ATF7IP2: variants seen among roughly 807,000 people sequenced by gnomAD.
The protein encoded by ATF7IP2 is activating transcription factor 7 interacting protein 2.
Under a neutral mutation model 64.2 loss-of-function variants are expected in ATF7IP2, and 42 were observed. That is an observed-to-expected ratio of 0.65 (90% CI 0.51 to 0.85). The LOEUF (loss-of-function observed/expected upper bound fraction) is 0.85. Ranked by LOEUF, ATF7IP2 falls within the 40% of genes least tolerant of loss-of-function variation. ATF7IP2 has a pLI of 0.00. For synonymous variants in ATF7IP2, 308 were observed against 272.8 expected (o/e 1.13, Z -1.27); for missense variants, 933 against 784.2 (o/e 1.19, Z -2.27).
At chr16:10,481,386 TTTCCC>T (rs1420366370) in intron 13 of ATF7IP2, among the ~76,000 whole-genome samples, 2 of 39,454 alleles carry the variant, frequency 5.1e-5, no homozygotes, top group Non-Finnish European at 1.3e-4. Context: ...GTAGCTGGGA[TTTCCC>T]GAGTAGCTGG....
chr16:10,439,034 A>G (rs1430097145), intron 7 of ATF7IP2, among the ~76,000 whole-genome samples: 1 of 125,378 alleles, frequency 8.0e-6, no homozygotes, highest in East Asian at 2.5e-4. Flanking sequence ...GTCTGCCGAC[A>G]GCGAGACTCC....
intron 1 of ATF7IP2, among the ~76,000 whole-genome samples, chr16:10,396,263 A>G (rs8063676): frequency 0.57 from 86,407 of 151,950 alleles, 24,664 homozygotes; most frequent in East Asian, 0.69. Context: ...GAGGACTCAT[A>G]TATTTTGGTT....
chr16:10,439,408 T>C (rs1247501755), intron 7 of ATF7IP2, among the ~76,000 whole-genome samples: 1 of 151,894 alleles, frequency 6.6e-6, no homozygotes, highest in Non-Finnish European at 1.5e-5. Flanking sequence ...GCTAATTTTT[T>C]GTATTTTTAG....
chr16:10,405,617 C>T (rs371104542), intron 1 of ATF7IP2, among the ~76,000 whole-genome samples: 2 of 152,320 alleles, frequency 1.3e-5, no homozygotes, highest in Admixed American at 6.5e-5. Flanking sequence ...ATTCTTATCA[C>T]ATCCTGCCGG....
At chr16:10,412,278 T>C (rs187476143) in intron 1 of ATF7IP2, among the ~76,000 whole-genome samples, 1 of 152,216 alleles carries the variant, frequency 6.6e-6, no homozygotes, top group African/African-American at 2.4e-5. Flanking sequence ...GATTGTCTGT[T>C]TGTGCTCTTT....
At chr16:10,391,149 C>G (rs1228786064) in intron 1 of ATF7IP2, among the ~76,000 whole-genome samples, 2 of 116,328 alleles carry the variant, frequency 1.7e-5, no homozygotes, top group African/African-American at 3.6e-5. Flanking sequence ...AGAGAGAGAC[C>G]CTGTCTCAAA....
In ATF7IP2 at chr16:10,430,731, G is replaced by A. The variant is rs377023707; in HGVS notation, c.111G>A (p.Ala37=). 2.4e-5 allele frequency: 38 copies of A among 1,614,060 alleles called. No homozygotes were observed. In the Admixed American group the frequency reaches 2.7e-4, roughly 11 times the overall value. The change falls in exon 5 of 14, where the codon GCG becomes GCA. Residue 37 remains alanine, a synonymous_variant. Transcript: ENST00000562102. ...EMLNKSRNVE[A]LKTAIGSNVP... ...TGAATAAGTCAAGGAATGTTGAAGC[G>A]CTGAAAACAGCAATTGGGAGTAATG...
At chr16:10,418,240 C>T (rs146239844) in intron 2 of ATF7IP2, among the ~76,000 whole-genome samples, 8 of 152,320 alleles carry the variant, frequency 5.3e-5, no homozygotes, top group Admixed American at 2.0e-4. Context: ...TTCAGGAACG[C>T]CTTAAGCGGT....
intron 8 of ATF7IP2, chr16:10,449,816 A>T (rs75273103): frequency 6.6e-6 from 1 of 151,570 alleles, no homozygotes; most frequent in African/African-American, 2.4e-5. Context: ...TCATGTCTCT[A>T]TCTCCTTCAG....
chr16:10,399,519 G>A (rs562307040), intron 1 of ATF7IP2, among the ~76,000 whole-genome samples: 9 of 152,138 alleles, frequency 5.9e-5, no homozygotes, highest in Non-Finnish European at 1.2e-4. Context: ...CTTTATTTCC[G>A]GGTTCTCTGT....
intron 6 of ATF7IP2, among the ~76,000 whole-genome samples, chr16:10,435,209 C>T (rs1307317730): frequency 6.6e-6 from 1 of 152,232 alleles, no homozygotes; most frequent in African/African-American, 2.4e-5. Context: ...CCCTCCCCGT[C>T]ATTCTGACAT....
intron 12 of ATF7IP2, among the ~76,000 whole-genome samples, chr16:10,476,555 A>G (rs1354410329): frequency 6.6e-6 from 1 of 151,972 alleles, no homozygotes; most frequent in Non-Finnish European, 1.5e-5. Flanking sequence ...GGTTTGTTAC[A>G]TAGGTAAATG....
intron 1 of ATF7IP2, among the ~76,000 whole-genome samples, chr16:10,396,733 C>G (rs1339856139): frequency 6.6e-6 from 1 of 152,012 alleles, no homozygotes; most frequent in Non-Finnish European, 1.5e-5. Context: ...ACTGCAGCCT[C>G]CACCTCCTGG....
At chr16:10,477,045 A>G (rs1223860187) in intron 12 of ATF7IP2, among the ~76,000 whole-genome samples, 2 of 152,154 alleles carry the variant, frequency 1.3e-5, no homozygotes, top group Admixed American at 6.5e-5. Flanking sequence ...CCAAATGACA[A>G]TTTTATGATG....
At chr16:10,405,229 A>C (rs1007785840) in intron 1 of ATF7IP2, among the ~76,000 whole-genome samples, 1 of 151,792 alleles carries the variant, frequency 6.6e-6, no homozygotes, top group Admixed American at 6.6e-5. Flanking sequence ...AAATTAGCCG[A>C]GTCTGGTGGC....
intron 9 of ATF7IP2, among the ~76,000 whole-genome samples, chr16:10,464,892 C>A (rs1214813699): frequency 6.6e-6 from 1 of 152,174 alleles, no homozygotes; most frequent in African/African-American, 2.4e-5. Flanking sequence ...TGCAACGGCA[C>A]GATCTCAGCT....
intron 1 of ATF7IP2, among the ~76,000 whole-genome samples, chr16:10,402,289 A>G (rs550894446): frequency 6.6e-6 from 1 of 151,918 alleles, no homozygotes; most frequent in East Asian, 1.9e-4. Flanking sequence ...TTCTATTTTC[A>G]TTTGTCTCAA....
chr16:10,454,813 G>T (rs1192415442), intron 8 of ATF7IP2, among the ~76,000 whole-genome samples: 1 of 152,048 alleles, frequency 6.6e-6, no homozygotes, highest in Non-Finnish European at 1.5e-5. Context: ...GATTTATAAT[G>T]TTCCTTGTAT....
At chr16:10,460,299 G>C (rs2049331609) in intron 9 of ATF7IP2, among the ~76,000 whole-genome samples, 1 of 152,090 alleles carries the variant, frequency 6.6e-6, no homozygotes, top group East Asian at 1.9e-4. Context: ...TATATGGTGT[G>C]GACAAAGGAG....
Sources: gnomAD v4.1 joint callset for allele counts (sites outside exome capture counted in the v4.1 genomes callset) on GRCh38, gnomAD v4.1.1 for gene constraint, MANE v1.5 for transcripts, NCBI Gene and HGNC (gene_info 2026-07-23, HGNC 2026-07-21) for gene names.